NID1: variants seen among roughly 807,000 people sequenced by gnomAD.
The protein encoded by NID1 is nidogen 1.
Under a neutral mutation model 130.6 loss-of-function variants are expected in NID1, and 76 were observed. That is an observed-to-expected ratio of 0.58 (90% CI 0.48 to 0.70). The LOEUF (loss-of-function observed/expected upper bound fraction) is 0.70. NID1 is among the 30% of genes least tolerant of loss of function. The pLI is 0.00. For synonymous variants in NID1, 665 were observed against 675.1 expected, an observed-to-expected ratio of 0.98 and a Z score of 0.23; for missense variants, 1,517 against 1,664.8, an observed-to-expected ratio of 0.91 and a Z score of 1.54.
chr1:236,039,226 A>T (rs1659373422), intron 4 of NID1, among the ~76,000 whole-genome samples: 1 of 147,612 alleles, frequency 6.8e-6, no homozygotes, highest in Non-Finnish European at 1.5e-5. Flanking sequence ...ATATAATTAT[A>T]TGATATAATT....
rs917958750 is a variant in NID1 at position 235,991,061 on chromosome 1, G to A, written c.2756-3C>T. Reference sequence around the variant, plus strand: ...CGGGGGAGCCACTGTACTCAGACCTGCATGGCAGAGGGGGTCAGTGAGGGA... The same window carrying A: ...CGGGGGAGCCACTGTACTCAGACCTACATGGCAGAGGGGGTCAGTGAGGGA... On this transcript the variant is annotated splice_region_variant and splice_polypyrimidine_tract_variant and intron_variant, in intron 13 of 19. Coordinates refer to ENST00000264187, the MANE Select transcript of NID1 (RefSeq NM_002508.3). The A allele has an allele frequency of 1.3e-6, 2 of 1,578,378 alleles. No individual in the cohort carries two copies. The highest frequency in any genetic ancestry group is 2.7e-5 in the African/African-American group (2 of 73,798).
rs767774351 is a variant in NID1, at chr1:236,029,639, G to T, written c.1649C>A (p.Thr550Lys). The change falls in exon 7 of 20, where the codon ACG becomes AAG. Residue 550 changes from threonine to lysine, a missense_variant. Thr to Lys is a moderately conservative substitution (Grantham distance 78, BLOSUM62 -1). Around this residue, in one of 3 missense-constraint regions of NID1, gnomAD observed 1,329 missense variants for 1,429.2 expected, o/e 0.93. Transcript: ENST00000264187. Reference sequence around the variant, plus strand: ...CTGCGGCACGCGGCCCTCCAGCTCCGTGTCGATGGTCAGGTGCCCATGCTC... The same window carrying T: ...CTGCGGCACGCGGCCCTCCAGCTCCTTGTCGATGGTCAGGTGCCCATGCTC... ...IDEHGHLTID[T>K]ELEGRVPQIP... The T allele has an allele frequency of 2.5e-6, 4 of 1,612,686 alleles. No individual in the cohort carries two copies. The highest frequency in any genetic ancestry group is 3.4e-6 in the Non-Finnish European group (4 of 1,179,556).
intron 5 of NID1, among the ~76,000 whole-genome samples, chr1:236,033,757 A>G (rs553780484): frequency 6.6e-6 from 1 of 152,378 alleles, no homozygotes; most frequent in South Asian, 2.1e-4. Flanking sequence ...AACTGCTAAC[A>G]ATGGTTAACT....
At chr1:236,034,718 G>A (rs1347840564) in intron 5 of NID1, among the ~76,000 whole-genome samples, 1 of 152,036 alleles carries the variant, frequency 6.6e-6, no homozygotes, top group Non-Finnish European at 1.5e-5. Flanking sequence ...ATTAGATAGA[G>A]GTAATAGTTG....
intron 9 of NID1, among the ~76,000 whole-genome samples, chr1:236,022,934 C>A (rs1037869239): frequency 6.6e-6 from 1 of 151,718 alleles, no homozygotes; most frequent in Non-Finnish European, 1.5e-5. Flanking sequence ...TGATGGCAAG[C>A]ACCTGTAGTC....
chr1:236,019,770 G>A (rs1658699825), intron 9 of NID1, among the ~76,000 whole-genome samples: 1 of 152,088 alleles, frequency 6.6e-6, no homozygotes, highest in Admixed American at 6.6e-5. Flanking sequence ...GACCAGGCAC[G>A]GTGGCTCAGG....
chr1:235,994,021 C>A, intron 12 of NID1, 149 bp from the exon 13 acceptor site: 4 of 642,272 alleles, frequency 6.2e-6, no homozygotes, highest in Non-Finnish European at 1.1e-5. Context: ...ATTCAAAATG[C>A]AGAAACATCA....
chr1:236,003,650 A>T (rs1658152777), intron 12 of NID1, among the ~76,000 whole-genome samples: 2 of 152,228 alleles, frequency 1.3e-5, no homozygotes, highest in African/African-American at 4.8e-5. Context: ...TGGGCAGATC[A>T]CTTGAGGCCA....
chr1:236,040,626 G>GA (rs1226454193), intron 4 of NID1, among the ~76,000 whole-genome samples: 7 of 145,948 alleles, frequency 4.8e-5, no homozygotes, highest in African/African-American at 1.5e-4. Context: ...AAACTAATGT[G>GA]AAAAAAAAAT....
chr1:236,039,730 C>A (rs2102838266), intron 4 of NID1, among the ~76,000 whole-genome samples: 1 of 152,236 alleles, frequency 6.6e-6, no homozygotes, highest in South Asian at 2.1e-4. Context: ...AGTTTAAACC[C>A]AGGTAGACTC....
In NID1 at chr1:236,029,595, C is replaced by T. The variant is rs146892082; in HGVS notation, c.1693G>A (p.Val565Met). Reference sequence around the variant, plus strand: ...AGCTCCGTGTAGGGCTCAATGTGCACGGAGGAGCCGAACGGAATCTGCGGC... The same window carrying T: ...AGCTCCGTGTAGGGCTCAATGTGCATGGAGGAGCCGAACGGAATCTGCGGC... ...RVPQIPFGSS[V>M]HIEPYTELYH... The change falls in exon 7 of 20, where the codon GTG becomes ATG. Residue 565 changes from valine to methionine, a missense_variant. Around this residue, in one of 3 missense-constraint regions of NID1, gnomAD observed 1,329 missense variants for 1,429.2 expected, o/e 0.93. Transcript: ENST00000264187. 284 of 1,588,044 alleles carry T rather than the reference C, an allele frequency of 1.8e-4. No homozygotes were observed. Among genetic ancestry groups the T allele is most frequent in the African/African-American group, 6.3e-4 (47 of 74,680 alleles).
In NID1 at chr1:236,048,843, T is replaced by C. The variant is rs781179795; in HGVS notation, c.372A>G (p.Glu124=). 6.8e-6 allele frequency: 11 copies of C among 1,614,122 alleles called. No homozygotes were observed. Among genetic ancestry groups the C allele is most frequent in the Non-Finnish European group, 9.3e-6 (11 of 1,180,006 alleles). Residue 124 remains glutamate (E), a synonymous_variant, in exon 2 of 20, where the codon GAA becomes GAG. Coordinates refer to ENST00000264187, the MANE Select transcript of NID1 (RefSeq NM_002508.3). ...TDGLGKVYYR[E]DLSPSITQRA... ...GCTGAGTGATGGAGGGGGATAAGTC[T>C]TCTCGATAATAAACCTTCCCCAGGC...
chr1:236,058,592 T>A (rs1452100385), intron 1 of NID1, among the ~76,000 whole-genome samples: 1 of 152,226 alleles, frequency 6.6e-6, no homozygotes, highest in Non-Finnish European at 1.5e-5. Context: ...ATCTTTAACG[T>A]GAACTTTCAG....
intron 12 of NID1, among the ~76,000 whole-genome samples, chr1:236,004,903 C>G (rs201511371): frequency 6.6e-6 from 1 of 151,990 alleles, no homozygotes; most frequent in Non-Finnish European, 1.5e-5. Flanking sequence ...GAGCCCGGCA[C>G]GGTGGCTCAC....
At chr1:236,043,806 A>G (rs1317427510) in intron 3 of NID1, among the ~76,000 whole-genome samples, 1 of 152,024 alleles carries the variant, frequency 6.6e-6, no homozygotes, top group South Asian at 2.1e-4. Flanking sequence ...TCAAAACAAC[A>G]ACAAAAACAA....
chr1:236,062,465 C>A (rs527936571), intron 1 of NID1, among the ~76,000 whole-genome samples: 18 of 151,832 alleles, frequency 1.2e-4, no homozygotes, highest in African/African-American at 4.1e-4. Flanking sequence ...AGAAACCCCG[C>A]CTCTACTAAA....
At position 236,064,873 on chromosome 1, in the gene NID1, G is replaced by T; in HGVS notation, c.207C>A (p.Ser69=). Residue 69 remains serine (S), a synonymous_variant, in exon 1 of 20, where the codon TCC becomes TCA. Transcript: ENST00000264187. ...CACTCACGTAGACTGCGTCGATGTC[G>T]GATCTGTCGTAGAAGCGGAGCGCCC... ...LSGALRFYDR[S]DIDAVYVTTN... 6.2e-7 allele frequency: 1 copy of T among 1,612,028 alleles called. No homozygotes were observed. The highest frequency in any genetic ancestry group is 8.5e-7 in the Non-Finnish European group (1 of 1,179,352).
At chr1:236,041,059 T>G (rs890259994) in intron 4 of NID1, among the ~76,000 whole-genome samples, 2 of 151,896 alleles carry the variant, frequency 1.3e-5, no homozygotes, top group Admixed American at 6.6e-5. Context: ...GACCAGAAAA[T>G]GTACTGTAAA....
At chr1:236,056,385 C>T (rs991801743) in intron 1 of NID1, among the ~76,000 whole-genome samples, 7 of 152,182 alleles carry the variant, frequency 4.6e-5, no homozygotes, top group East Asian at 1.9e-4. Context: ...ATGGGGTACA[C>T]GTGGAGTATA....
Sources: gnomAD v4.1 joint callset for allele counts (sites outside exome capture counted in the v4.1 genomes callset) on GRCh38, gnomAD v4.1.1 for gene constraint, gnomAD v4.1.1 regional missense constraint, MANE v1.5 for transcripts, NCBI Gene and HGNC (gene_info 2026-07-23, HGNC 2026-07-21) for gene names.